The following OSBPL3 variants were observed in gnomAD, a reference collection of about 807,000 sequenced individuals.
OSBPL3 encodes the protein oxysterol-binding protein-related protein 3.
In OSBPL3, 65 loss-of-function variants were observed where a neutral mutation model predicts 120.1. The ratio of observed to expected loss-of-function variants is 0.54; its 90% CI spans 0.44 to 0.67. The LOEUF is 0.67. Ranked by LOEUF, OSBPL3 falls within the 30% of genes least tolerant of loss-of-function variation. The pLI is 0.00. For missense variants in OSBPL3, 1,004 were observed against 1,082.1 expected (o/e 0.93, Z 1.01); for synonymous variants, 416 against 402.6 (o/e 1.03, Z -0.40).
At chr7:24,837,197 A>T (rs1465810370) in intron 14 of OSBPL3, among the ~76,000 whole-genome samples, 1 of 152,036 alleles carries the variant, frequency 6.6e-6, no homozygotes, top group Non-Finnish European at 1.5e-5. Context: ...GGCAGTTTTA[A>T]AATTAATTAA....
intron 1 of OSBPL3, among the ~76,000 whole-genome samples, chr7:24,923,159 A>G (rs1810608939): frequency 6.6e-6 from 1 of 152,204 alleles, no homozygotes; most frequent in Admixed American, 6.5e-5. Context: ...CTATCTAGAA[A>G]GGGCCATCAC....
At chr7:24,956,047 CCATTTCCATCA>C (rs1212614929) in intron 1 of OSBPL3, among the ~76,000 whole-genome samples, 1 of 152,186 alleles carries the variant, frequency 6.6e-6, no homozygotes, top group Non-Finnish European at 1.5e-5. Flanking sequence ...ATGAAAATGC[CCATTTCCATCA>C]GGTCCTGGAT....
chr7:24,911,005 C>T (rs1808748853), intron 1 of OSBPL3, among the ~76,000 whole-genome samples: 1 of 152,186 alleles, frequency 6.6e-6, no homozygotes, highest in Non-Finnish European at 1.5e-5. Context: ...CTGAGACACT[C>T]CCAGGTGATT....
chr7:24,946,793 A>C lies in OSBPL3; in HGVS notation c.-150+33093T>G, dbSNP rs1171540670. Among the ~76,000 whole-genome samples, 1 of 152,114 alleles carries C rather than the reference A, an allele frequency of 6.6e-6. No homozygotes were observed. The highest frequency in any genetic ancestry group is 2.4e-5 in the African/African-American group (1 of 41,370). On this transcript the variant is annotated intron_variant, in intron 1 of 22. Transcript: ENST00000313367. The surrounding 1 kb of genome is among the most constrained non-coding windows in gnomAD (Gnocchi z 4.3). ...CATATGCTTTGGATTCATGAGCTGAAGTAGCAGGGATGTGTGGGAGAAAGA... is the reference window on the plus strand; with the variant it reads ...CATATGCTTTGGATTCATGAGCTGACGTAGCAGGGATGTGTGGGAGAAAGA...
At chr7:24,842,485 G>A in intron 12 of OSBPL3, 72 bp from the exon 13 acceptor site, 1 of 1,203,856 alleles carries the variant, frequency 8.3e-7, no homozygotes. Context: ...AAATGATTTA[G>A]TTGTACAATA....
intron 19 of OSBPL3, among the ~76,000 whole-genome samples, chr7:24,811,465 T>A (rs1275792905): frequency 6.6e-6 from 1 of 152,232 alleles, no homozygotes; most frequent in Non-Finnish European, 1.5e-5. Context: ...TACAGATTGT[T>A]TCTTTACTGT....
rs739625 is a variant in OSBPL3 at position 24,813,057 on chromosome 7, G to T, written c.2172+2002C>A. On this transcript the variant is annotated intron_variant, in intron 19 of 22. Coordinates refer to ENST00000313367, the MANE Select transcript of OSBPL3 (RefSeq NM_015550.4). This position sits in a 1 kb window ranked among gnomAD's most constrained non-coding sequence, Gnocchi z 4.5. Reference sequence around the variant, plus strand: ...CCGTGTCTGGCTAATTTTTAAATTTGTTGTAGAGATAGGGTCTTGTCAGAT... The same window carrying T: ...CCGTGTCTGGCTAATTTTTAAATTTTTTGTAGAGATAGGGTCTTGTCAGAT... Among the ~76,000 whole-genome samples, 85,836 of 151,894 alleles carry T rather than the reference G, an allele frequency of 0.57. 25,352 individuals are homozygous for T. The highest frequency in any genetic ancestry group is 0.79 in the East Asian group (4,064 of 5,166).
chr7:24,950,885 C>T (rs1055516341), intron 1 of OSBPL3, among the ~76,000 whole-genome samples: 8 of 151,892 alleles, frequency 5.3e-5, no homozygotes, highest in African/African-American at 1.9e-4. Context: ...AAAGTCAATG[C>T]TCAACAGTTA....
chr7:24,979,660 C>A lies in OSBPL3; in HGVS notation c.-150+226G>T, dbSNP rs546242235. 2.4e-4 allele frequency among the ~76,000 whole-genome samples: 36 copies of A among 152,230 alleles called. No individual in the cohort carries two copies. In the East Asian group the frequency reaches 7.0e-3, roughly 30 times the overall value. On this transcript the variant is annotated intron_variant, in intron 1 of 22. Transcript: ENST00000313367. ...TGAGCCGTCCCTCGAGGGAAGGTGT[C>A]CTGGGGTGGGTGAGACCCGGGTCCT...
At chr7:24,816,888 A>T (rs557623654) in intron 17 of OSBPL3, among the ~76,000 whole-genome samples, 200 bp from the exon 18 acceptor site, 1 of 152,226 alleles carries the variant, frequency 6.6e-6, no homozygotes. Context: ...AACTAAAATG[A>T]TAAGATAAAG....
At chr7:24,951,708 T>C (rs191917764) in intron 1 of OSBPL3, among the ~76,000 whole-genome samples, 12 of 152,326 alleles carry the variant, frequency 7.9e-5, no homozygotes, top group Admixed American at 5.2e-4. Context: ...TGTTCTTCCA[T>C]GTAAGGGCTG....
rs1305150944 is a variant in OSBPL3 at position 24,965,422 on chromosome 7, T to C, written c.-150+14464A>G. On this transcript the variant is annotated intron_variant, in intron 1 of 22. Transcript: ENST00000313367. The surrounding 1 kb of genome is among the most constrained non-coding windows in gnomAD (Gnocchi z 4.3). ...TTATTTTGTTGTGAGAAGAAACATA[T>C]ATTAAAGTGATTTACAAATGTGGAA... Among the ~76,000 whole-genome samples the C allele has an allele frequency of 2.0e-5, 3 of 152,176 alleles. No individual in the cohort carries two copies. Among genetic ancestry groups the C allele is most frequent in the Admixed American group, 6.5e-5 (1 of 15,288 alleles).
chr7:24,844,087 A>T (rs1402283143), intron 12 of OSBPL3, among the ~76,000 whole-genome samples: 2 of 152,220 alleles, frequency 1.3e-5, no homozygotes, highest in East Asian at 3.8e-4. Context: ...GCATCTTCTT[A>T]TATGTACTGT....
At chr7:24,979,755 C>T in intron 1 of OSBPL3, 131 bp downstream of exon 1, 1 of 421,312 alleles carries the variant, frequency 2.4e-6, no homozygotes, top group Non-Finnish European at 3.2e-6. Flanking sequence ...GGAGCCTCCC[C>T]GGGCGACTCG....
rs145246502 is a variant in OSBPL3, at chr7:24,936,266, G to A, written c.-150+43620C>T. ...ATATTTCAAAGGAAGCTGAGACAGT[G>A]AATACAGGCTGTTACTTAGGGCTAA... On this transcript the variant is annotated intron_variant, in intron 1 of 22. Transcript: ENST00000313367. The surrounding 1 kb of genome is among the most constrained non-coding windows in gnomAD (Gnocchi z 4.2). Among the ~76,000 whole-genome samples the A allele has an allele frequency of 4.3e-3, 659 of 152,284 alleles. 10 individuals carry two copies. The highest frequency in any genetic ancestry group is 0.015 in the African/African-American group (624 of 41,548).
intron 1 of OSBPL3, among the ~76,000 whole-genome samples, chr7:24,914,203 G>A (rs1396469748): frequency 6.6e-6 from 1 of 151,854 alleles, no homozygotes; most frequent in African/African-American, 2.4e-5. Flanking sequence ...CTTAAGGCTG[G>A]AATGAACCCC....
Position 24,827,908 on chromosome 7 carries a change from T to C in OSBPL3, c.1884+2860A>G, listed in dbSNP as rs751634328. Among the ~76,000 whole-genome samples the C allele has an allele frequency of 2.6e-5, 4 of 152,214 alleles. No individual in the cohort carries two copies. Among genetic ancestry groups the C allele is most frequent in the Non-Finnish European group, 4.4e-5 (3 of 68,042 alleles). ...ACTACTTGTACTAGAAGTGGAGATA[T>C]AGCATATCTTATTTGAACATAAGAA... On this transcript the variant is annotated intron_variant, in intron 16 of 22. Coordinates refer to ENST00000313367, the MANE Select transcript of OSBPL3 (RefSeq NM_015550.4). This position sits in a 1 kb window ranked among gnomAD's most constrained non-coding sequence, Gnocchi z 5.1.
At chr7:24,845,703 T>G (rs1798368704) in intron 12 of OSBPL3, among the ~76,000 whole-genome samples, 1 of 152,140 alleles carries the variant, frequency 6.6e-6, no homozygotes, top group Non-Finnish European at 1.5e-5. Flanking sequence ...TTTGCAATTT[T>G]TTTCTATTGC....
chr7:24,842,080 C>T (rs1383155600), intron 13 of OSBPL3, among the ~76,000 whole-genome samples, 199 bp downstream of exon 13: 2 of 152,080 alleles, frequency 1.3e-5, no homozygotes, highest in Non-Finnish European at 1.5e-5. Flanking sequence ...CCAATGCTCT[C>T]TACTTTTACT....
Sources: allele counts gnomAD v4.1 joint callset (sites outside exome capture counted in the v4.1 genomes callset), GRCh38; gene constraint gnomAD v4.1.1; non-coding constraint Gnocchi (gnomAD v3.1); transcripts MANE v1.5; gene names NCBI Gene and HGNC (gene_info 2026-07-23, HGNC 2026-07-21).